Variants in SGCZ observed in about 807,000 individuals in gnomAD.
SGCZ encodes the protein zeta-sarcoglycan.
SGCZ carries 40 observed loss-of-function variants against 41.3 expected under a neutral mutation model. The ratio of observed to expected loss-of-function variants is 0.97; its 90% CI spans 0.75 to 1.26. SGCZ has a LOEUF of 1.26. Ranked by LOEUF, SGCZ falls within the 50% of genes most tolerant of loss-of-function variation. SGCZ has a pLI of 0.00. For missense variants in SGCZ, 552 were observed against 369.8 expected, an observed-to-expected ratio of 1.49 and a Z score of -4.04; for synonymous variants, 206 against 137.5, an observed-to-expected ratio of 1.50 and a Z score of -3.49.
intron 4 of SGCZ, among the ~76,000 whole-genome samples, chr8:14,210,111 G>A (rs1181665561): frequency 6.6e-6 from 1 of 152,112 alleles, no homozygotes; most frequent in Non-Finnish European, 1.5e-5. Flanking sequence ...AGACTGGAAC[G>A]CAGTTGTGTG....
At chr8:15,220,871 G>A (rs1443475026) in intron 1 of SGCZ, among the ~76,000 whole-genome samples, 7 of 152,102 alleles carry the variant, frequency 4.6e-5, no homozygotes, top group Non-Finnish European at 1.0e-4. Context: ...CAGGGACATG[G>A]ATGAAGCAGG....
chr8:14,853,908 C>A (rs59865433), intron 1 of SGCZ, among the ~76,000 whole-genome samples: 3,538 of 151,450 alleles, frequency 0.023, 137 homozygotes, highest in African/African-American at 0.082. Flanking sequence ...TTCCTCCTTG[C>A]CAATACAAAA....
intron 2 of SGCZ, among the ~76,000 whole-genome samples, chr8:14,540,025 G>C (rs375183150): frequency 6.6e-6 from 1 of 151,846 alleles, no homozygotes; most frequent in Non-Finnish European, 1.5e-5. Context: ...CAAGGAAAAA[G>C]CCTATAAAAT....
chr8:14,373,205 C>T (rs957864464), intron 2 of SGCZ, among the ~76,000 whole-genome samples: 3 of 152,070 alleles, frequency 2.0e-5, no homozygotes, highest in Non-Finnish European at 2.9e-5. Context: ...AGTGGGGTGG[C>T]TCCCAGATTT....
intron 1 of SGCZ, among the ~76,000 whole-genome samples, chr8:14,685,384 G>A (rs111683077): frequency 1.7e-3 from 263 of 152,056 alleles, no homozygotes; most frequent in African/African-American, 5.2e-3. Flanking sequence ...ATTAAGGCAC[G>A]TTTAAAATAT....
intron 1 of SGCZ, among the ~76,000 whole-genome samples, chr8:14,915,297 C>G (rs1799399036): frequency 6.6e-6 from 1 of 152,116 alleles, no homozygotes; most frequent in Admixed American, 6.5e-5. Context: ...AGATTAAGCA[C>G]TCTAGAAATA....
chr8:14,448,222 G>C (rs946357030), intron 2 of SGCZ, among the ~76,000 whole-genome samples: 3 of 152,128 alleles, frequency 2.0e-5, no homozygotes, highest in African/African-American at 7.2e-5. Context: ...GCAATATTCT[G>C]CTACCAAGTA....
intron 1 of SGCZ, among the ~76,000 whole-genome samples, chr8:14,926,147 T>C (rs995000321): frequency 6.6e-6 from 1 of 152,152 alleles, no homozygotes; most frequent in Non-Finnish European, 1.5e-5. Flanking sequence ...TCAGTAAAAA[T>C]ATTTCATTTT....
At chr8:14,797,108 A>T (rs979585856) in intron 1 of SGCZ, among the ~76,000 whole-genome samples, 5 of 152,248 alleles carry the variant, frequency 3.3e-5, no homozygotes, top group Admixed American at 1.3e-4. Flanking sequence ...GTGCTGCTAT[A>T]AGGATACCTG....
intron 1 of SGCZ, among the ~76,000 whole-genome samples, chr8:15,208,043 T>C (rs375206508): frequency 6.6e-6 from 1 of 152,244 alleles, no homozygotes; most frequent in Non-Finnish European, 1.5e-5. Context: ...TACTCTCTGA[T>C]AGTTTTATGT....
chr8:14,887,784 C>A (rs1316766758), intron 1 of SGCZ, among the ~76,000 whole-genome samples: 2 of 152,048 alleles, frequency 1.3e-5, no homozygotes, highest in African/African-American at 4.8e-5. Context: ...AAAATAGACA[C>A]GCAATATTTG....
chr8:14,508,726 G>T (rs1192352149), intron 2 of SGCZ, among the ~76,000 whole-genome samples: 1 of 152,116 alleles, frequency 6.6e-6, no homozygotes, highest in African/African-American at 2.4e-5. Context: ...AGCAACGTTG[G>T]TTGTCAAGTT....
intron 3 of SGCZ, among the ~76,000 whole-genome samples, chr8:14,285,003 C>T (rs1800574136): frequency 6.6e-6 from 1 of 152,056 alleles, no homozygotes. Flanking sequence ...TGATATCTTC[C>T]ATCAAATTTT....
At chr8:14,297,696 A>G (rs1277966429) in intron 3 of SGCZ, among the ~76,000 whole-genome samples, 1 of 152,212 alleles carries the variant, frequency 6.6e-6, no homozygotes, top group African/African-American at 2.4e-5. Context: ...AACCTACATA[A>G]AAAGCAATAG....
chr8:14,346,208 G>C (rs976888060), intron 2 of SGCZ, among the ~76,000 whole-genome samples: 1 of 151,994 alleles, frequency 6.6e-6, no homozygotes, highest in Non-Finnish European at 1.5e-5. Flanking sequence ...GGAGTGAGTT[G>C]ATATATGGGA....
In SGCZ at chr8:14,873,961, T is replaced by A. The variant is rs1229310485; in HGVS notation, c.40-319035A>T. On this transcript the variant is annotated intron_variant, in intron 1 of 7. Transcript: ENST00000382080. ...GAAAGATATGAAATGCAAATATTTGTCCTTGAAGTCTCTGTAGTCATAGGA... is the reference window on the plus strand; with the variant it reads ...GAAAGATATGAAATGCAAATATTTGACCTTGAAGTCTCTGTAGTCATAGGA... 2.0e-5 allele frequency among the ~76,000 whole-genome samples: 3 copies of A among 152,222 alleles called. No individual in the cohort carries two copies. The South Asian group carries it at 6.2e-4, about 32-fold the overall frequency.
chr8:14,261,297 C>A (rs1406070013), intron 3 of SGCZ, among the ~76,000 whole-genome samples: 1 of 151,994 alleles, frequency 6.6e-6, no homozygotes. Flanking sequence ...TTAATAAGCA[C>A]ATAGAATGAT....
intron 1 of SGCZ, among the ~76,000 whole-genome samples, chr8:14,838,279 A>G (rs572194024): frequency 6.6e-6 from 1 of 152,214 alleles, no homozygotes; most frequent in South Asian, 2.1e-4. Context: ...ATAGTTGACA[A>G]TAATGTATAT....
intron 4 of SGCZ, among the ~76,000 whole-genome samples, chr8:14,190,020 T>C (rs1267799814): frequency 7.2e-6 from 1 of 139,842 alleles, no homozygotes; most frequent in Non-Finnish European, 1.5e-5. Context: ...CTTTCTTTTT[T>C]TTTTTTTTTT....
Sources: allele counts gnomAD v4.1 joint callset (sites outside exome capture counted in the v4.1 genomes callset), GRCh38; gene constraint gnomAD v4.1.1; transcripts MANE v1.5; gene names NCBI Gene and HGNC (gene_info 2026-07-23, HGNC 2026-07-21).